Variants in VPS4B observed in about 807,000 individuals in gnomAD.
VPS4B encodes vacuolar protein sorting-associated protein 4B.
In VPS4B, 23 loss-of-function variants were observed where a neutral mutation model predicts 56.1. The observed-to-expected ratio is 0.41, with a 90% confidence interval of 0.30 to 0.58. The LOEUF is 0.58. Ranked by LOEUF, VPS4B falls within the 20% of genes least tolerant of loss-of-function variation. The probability of loss-of-function intolerance (pLI) is 0.29; values close to 1 mark genes in which losing one functional copy is unlikely to be tolerated. For synonymous variants in VPS4B, 177 were observed against 186.0 expected (o/e 0.95, Z 0.39); for missense variants, 372 against 531.9 (o/e 0.70, Z 2.96).
Position 63,393,393 on chromosome 18 carries a change from A to C in VPS4B, c.1233+16T>G, listed in dbSNP as rs747653176. The C allele has an allele frequency of 4.4e-6, 7 of 1,573,316 alleles. No individual in the cohort carries two copies. The highest frequency in any genetic ancestry group is 1.4e-5 in the African/African-American group (1 of 72,698). ...TGTTTTAAAATATTTTCTTAAAAACAAACAAAATTTCAAACCATGGAAACA... is the reference window on the plus strand; with the variant it reads ...TGTTTTAAAATATTTTCTTAAAAACCAACAAAATTTCAAACCATGGAAACA... On this transcript the variant is annotated intron_variant, in intron 10 of 10. Coordinates refer to ENST00000238497, the MANE Select transcript of VPS4B (RefSeq NM_004869.4).
chr18:63,398,277 C>T (rs1199972572), intron 8 of VPS4B, among the ~76,000 whole-genome samples: 3 of 151,448 alleles, frequency 2.0e-5, no homozygotes, highest in African/African-American at 7.3e-5. Flanking sequence ...TGCAGTGGCA[C>T]AATCTTGGCT....
intron 1 of VPS4B, among the ~76,000 whole-genome samples, chr18:63,421,163 T>C (rs1052033174): frequency 1.3e-5 from 2 of 152,164 alleles, no homozygotes; most frequent in Non-Finnish European, 2.9e-5. Flanking sequence ...AAGATAACAA[T>C]TATTTTAATA....
intron 10 of VPS4B, among the ~76,000 whole-genome samples, chr18:63,392,820 G>A (rs966136497): frequency 1.3e-5 from 2 of 150,990 alleles, no homozygotes; most frequent in South Asian, 2.1e-4. Context: ...GTGCAATCTC[G>A]GCTCACTGCA....
chr18:63,398,627 AGAGAT>A (rs775821240), intron 8 of VPS4B, among the ~76,000 whole-genome samples: 1 of 151,874 alleles, frequency 6.6e-6, no homozygotes, highest in Non-Finnish European at 1.5e-5. Context: ...CATGAGGTCA[AGAGAT>A]CGAGACCATC....
At position 63,410,277 on chromosome 18, in the gene VPS4B, T is replaced by G. The variant is rs1317305481; in HGVS notation, c.296+13A>C. The G allele has an allele frequency of 2.5e-6, 4 of 1,608,144 alleles. No homozygotes were observed. Among genetic ancestry groups the G allele is most frequent in the Non-Finnish European group, 3.4e-6 (4 of 1,178,788 alleles). On this transcript the variant is annotated intron_variant, in intron 3 of 10. Transcript: ENST00000238497. Reference sequence around the variant, plus strand: ...AAAAGCCACAATAAAATTGAACAATTTTAAACACGTACCCCTTCTCATCTG... The same window carrying G: ...AAAAGCCACAATAAAATTGAACAATGTTAAACACGTACCCCTTCTCATCTG...
chr18:63,391,124 C>T, intron 10 of VPS4B, 48 bp from the exon 11 acceptor site: 2 of 1,279,678 alleles, frequency 1.6e-6, no homozygotes, highest in Non-Finnish European at 1.1e-6. Context: ...ATAGAGTTAA[C>T]AAAATAAAAA....
chr18:63,407,502 A>G lies in VPS4B; in HGVS notation c.297-3T>C. ...CTCCTTCCCCATCACTGTCATTCCT[A>G]ATAAAAAGAATTTAATATATTCAAA... On this transcript the variant is annotated splice_region_variant and splice_polypyrimidine_tract_variant and intron_variant, in intron 3 of 10. Coordinates refer to ENST00000238497, the MANE Select transcript of VPS4B (RefSeq NM_004869.4). The G allele has an allele frequency of 6.3e-7, 1 of 1,599,440 alleles. No individual in the cohort carries two copies. The highest frequency in any genetic ancestry group is 1.1e-5 in the South Asian group (1 of 88,156).
At chr18:63,399,870 T>C (rs1915772007) in intron 7 of VPS4B, among the ~76,000 whole-genome samples, 178 bp downstream of exon 7, 1 of 152,118 alleles carries the variant, frequency 6.6e-6, no homozygotes, top group Non-Finnish European at 1.5e-5. Flanking sequence ...TAACATTAAA[T>C]TAGCCGGGCA....
intron 1 of VPS4B, among the ~76,000 whole-genome samples, chr18:63,420,877 A>C (rs1449652700): frequency 6.6e-6 from 1 of 151,872 alleles, no homozygotes; most frequent in African/African-American, 2.4e-5. Context: ...TCTACTACTA[A>C]AAATACAAAA....
intron 5 of VPS4B, among the ~76,000 whole-genome samples, chr18:63,402,568 TG>T (rs1376692673): frequency 1.3e-5 from 2 of 152,146 alleles, no homozygotes; most frequent in African/African-American, 4.8e-5. Flanking sequence ...CTAGTAAAAA[TG>T]TTGTTCTAAA....
chr18:63,398,537 TAA>T (rs879809693), intron 8 of VPS4B, among the ~76,000 whole-genome samples: 4 of 139,006 alleles, frequency 2.9e-5, no homozygotes, highest in Non-Finnish European at 6.3e-5. Context: ...TAGTTTTTAC[TAA>T]AAAAAAAAAA....
At chr18:63,412,342 T>C (rs1345771185) in intron 1 of VPS4B, among the ~76,000 whole-genome samples, 1 of 152,206 alleles carries the variant, frequency 6.6e-6, no homozygotes, top group Non-Finnish European at 1.5e-5. Context: ...AGGAAAAAGA[T>C]GGGAAGGAAA....
chr18:63,395,026 T>G (rs1031781465), intron 9 of VPS4B, among the ~76,000 whole-genome samples: 2 of 152,190 alleles, frequency 1.3e-5, no homozygotes, highest in African/African-American at 4.8e-5. Context: ...ATCTTCTTCT[T>G]GTTAACTGAA....
At chr18:63,394,044 GT>G (rs1304931731) in intron 9 of VPS4B, among the ~76,000 whole-genome samples, 1 of 151,922 alleles carries the variant, frequency 6.6e-6, no homozygotes, top group African/African-American at 2.4e-5. Flanking sequence ...GCTGCTTTTA[GT>G]TTTTTTCTTG....
At chr18:63,396,736 C>T in intron 9 of VPS4B, 1 of 336,598 alleles carries the variant, frequency 3.0e-6, no homozygotes, top group Admixed American at 4.6e-5. Context: ...GGCGCAGTGG[C>T]TCACGCCTTT....
Position 63,400,612 on chromosome 18 carries a change from G to A in VPS4B, c.576C>T (p.Asn192=). ...YLAKAVATEA[N]NSTFFSISSS... Reference sequence around the variant, plus strand: ...AAGATATTGAAAAAAATGTTGAGTTGTTGGCTTCTGTTGCTACAGCTTTGG... The same window carrying A: ...AAGATATTGAAAAAAATGTTGAGTTATTGGCTTCTGTTGCTACAGCTTTGG... The change falls in exon 6 of 11, where the codon AAC becomes AAT. Residue 192 remains asparagine (N), a synonymous_variant. Transcript: ENST00000238497. 6.2e-7 allele frequency: 1 copy of A among 1,610,390 alleles called. No individual in the cohort carries two copies. Among genetic ancestry groups the A allele is most frequent in the South Asian group, 1.1e-5 (1 of 90,084 alleles).
chr18:63,412,904 T>C (rs1916077069), intron 1 of VPS4B, among the ~76,000 whole-genome samples: 1 of 151,730 alleles, frequency 6.6e-6, no homozygotes, highest in African/African-American at 2.4e-5. Flanking sequence ...AAAAGCATAC[T>C]ATATAAAAGA....
At chr18:63,411,410 A>C (rs1208233668) in intron 2 of VPS4B, 57 bp downstream of exon 2, 7 of 1,262,972 alleles carry the variant, frequency 5.5e-6, no homozygotes, top group Non-Finnish European at 7.3e-6. Flanking sequence ...TTTAGAAATG[A>C]AACAGAATAA....
chr18:63,400,497 C>G, intron 6 of VPS4B, 50 bp downstream of exon 6: 4 of 1,540,304 alleles, frequency 2.6e-6, no homozygotes, highest in Non-Finnish European at 1.8e-6. Context: ...AGGAGTGATA[C>G]AGTAATTACA....
Sources: gnomAD v4.1 joint callset for allele counts (sites outside exome capture counted in the v4.1 genomes callset) on GRCh38, gnomAD v4.1.1 for gene constraint, MANE v1.5 for transcripts, NCBI Gene and HGNC (gene_info 2026-07-23, HGNC 2026-07-21) for gene names.